Variants in PRKCE observed in about 807,000 individuals in gnomAD.
The protein encoded by PRKCE is protein kinase C epsilon type.
PRKCE carries 16 observed loss-of-function variants against 85.4 expected under a neutral mutation model. The observed-to-expected ratio is 0.19, with a 90% CI of 0.13 to 0.28. PRKCE has a LOEUF of 0.28. PRKCE is among the 10% of genes least tolerant of loss of function. The pLI is 1.00. For missense variants in PRKCE, 573 were observed against 975.2 expected (o/e 0.59, Z 5.49); for synonymous variants, 388 against 371.5 (o/e 1.04, Z -0.51).
chr2:45,737,024 C>T (rs771447205), intron 1 of PRKCE, among the ~76,000 whole-genome samples: 1 of 152,172 alleles, frequency 6.6e-6, no homozygotes, highest in Non-Finnish European at 1.5e-5. Flanking sequence ...AGGAGATGGA[C>T]GGTCGTCGGT....
chr2:45,949,423 G>GTTTTTTTTTTTTTTTTTTATTTTT (rs1178525912), intron 2 of PRKCE, among the ~76,000 whole-genome samples: 1 of 52,862 alleles, frequency 1.9e-5, no homozygotes, highest in Non-Finnish European at 4.0e-5. Context: ...TTTTTTGATT[G>GTTTTTTTTTTTTTTTTTTATTTTT]TTGTTTTTTT....
chr2:46,000,459 A>T (rs113028707), intron 6 of PRKCE, among the ~76,000 whole-genome samples: 2 of 14,756 alleles, frequency 1.4e-4, no homozygotes, highest in Admixed American at 1.6e-3. Context: ...ATCTCTGATA[A>T]AAAAAAAAAA....
intron 1 of PRKCE, among the ~76,000 whole-genome samples, chr2:45,777,357 A>T (rs1284739594): frequency 6.6e-6 from 1 of 152,006 alleles, no homozygotes; most frequent in African/African-American, 2.4e-5. Context: ...GGGAAATGTG[A>T]GAAGTGTTCT....
chr2:45,928,102 A>G (rs866827297), intron 2 of PRKCE, among the ~76,000 whole-genome samples: 2 of 152,114 alleles, frequency 1.3e-5, no homozygotes, highest in Admixed American at 6.5e-5. Context: ...ACCTCCCTCC[A>G]AGCTTTCCTA....
rs115864609 is a variant in PRKCE, at chr2:45,841,136, C to T, written c.349-1864C>T. On this transcript the variant is annotated intron_variant, in intron 1 of 14. Transcript: ENST00000306156. ...AGAGAGGTAGATGGACAATGTATTACAACTTAATAGGAGCTGTATTAGTCA... is the reference window on the plus strand; with the variant it reads ...AGAGAGGTAGATGGACAATGTATTATAACTTAATAGGAGCTGTATTAGTCA... Among the ~76,000 whole-genome samples the T allele has an allele frequency of 3.0e-3, 461 of 152,310 alleles. 2 individuals carry two copies. Among genetic ancestry groups the T allele is most frequent in the Non-Finnish European group, 4.9e-3 (330 of 68,030 alleles).
chr2:46,155,243 A>G lies in PRKCE; in HGVS notation c.1920+4014A>G, dbSNP rs1677085449. On this transcript the variant is annotated intron_variant, in intron 13 of 14. Coordinates refer to ENST00000306156, the MANE Select transcript of PRKCE (RefSeq NM_005400.3). The surrounding 1 kb of genome is among the most constrained non-coding windows in gnomAD (Gnocchi z 4.7). Reference sequence around the variant, plus strand: ...TTAAATGATTATAACTAGTTCAATTAAATGATTACAACTAGTTCAACTGAG... The same window carrying G: ...TTAAATGATTATAACTAGTTCAATTGAATGATTACAACTAGTTCAACTGAG... Among the ~76,000 whole-genome samples the G allele has an allele frequency of 6.6e-6, 1 of 152,210 alleles. No homozygotes were observed. Among genetic ancestry groups the G allele is most frequent in the African/African-American group, 2.4e-5 (1 of 41,450 alleles).
chr2:45,758,231 A>G (rs1684170927), intron 1 of PRKCE, among the ~76,000 whole-genome samples: 1 of 152,208 alleles, frequency 6.6e-6, no homozygotes, highest in Non-Finnish European at 1.5e-5. Context: ...CATCTGTGAA[A>G]TGGGAATAGT....
intron 1 of PRKCE, among the ~76,000 whole-genome samples, chr2:45,737,137 G>T (rs910659042): frequency 6.6e-6 from 1 of 152,224 alleles, no homozygotes; most frequent in East Asian, 1.9e-4. Flanking sequence ...CTCCAAGGAA[G>T]TGTGGTTATG....
intron 2 of PRKCE, among the ~76,000 whole-genome samples, chr2:45,894,505 G>T (rs1013403445): frequency 6.6e-6 from 1 of 151,258 alleles, no homozygotes; most frequent in Non-Finnish European, 1.5e-5. Context: ...ATCTTTGCAG[G>T]GTGTGAAGGA....
chr2:46,055,261 G>T (rs1262389884), intron 10 of PRKCE, among the ~76,000 whole-genome samples: 1 of 152,216 alleles, frequency 6.6e-6, no homozygotes, highest in Non-Finnish European at 1.5e-5. Context: ...ACAGAGATTT[G>T]CTCCTGCTGG....
At chr2:45,693,717 TA>T (rs1677921695) in intron 1 of PRKCE, among the ~76,000 whole-genome samples, 1 of 151,950 alleles carries the variant, frequency 6.6e-6, no homozygotes. Flanking sequence ...TAAGGAGAGG[TA>T]GAATAAGGCA....
intron 1 of PRKCE, among the ~76,000 whole-genome samples, chr2:45,718,979 G>T (rs1284937048): frequency 6.6e-6 from 1 of 152,186 alleles, no homozygotes; most frequent in East Asian, 1.9e-4. Flanking sequence ...TGCTAATATA[G>T]GCTAAAAGTC....
In PRKCE at chr2:46,086,335, T is replaced by C; in HGVS notation, c.1565T>C (p.Phe522Ser). ...YAAEVTSALMFLHQHGVIYRD... is the reference protein window; with the variant it reads ...YAAEVTSALMSLHQHGVIYRD... ...GCAGAGGTCACATCGGCCCTCATGT[T>C]CCTCCACCAGCATGGAGTCATCTAC... Residue 522 changes from phenylalanine to serine, a missense_variant, in exon 11 of 15, where the codon TTC (phenylalanine) becomes TCC (serine). Phe to Ser is a radical substitution (Grantham distance 155). Coordinates refer to ENST00000306156, the MANE Select transcript of PRKCE (RefSeq NM_005400.3). 6.3e-7 allele frequency: 1 copy of C among 1,599,598 alleles called. No individual in the cohort carries two copies. The highest frequency in any genetic ancestry group is 8.5e-7 in the Non-Finnish European group (1 of 1,179,856).
intron 2 of PRKCE, among the ~76,000 whole-genome samples, chr2:45,883,729 C>T (rs1219377824): frequency 6.6e-6 from 1 of 152,198 alleles, no homozygotes; most frequent in African/African-American, 2.4e-5. Context: ...GTTGTCCTCC[C>T]CGCCTGTCAT....
chr2:46,002,074 A>G (rs1558943854), intron 7 of PRKCE, among the ~76,000 whole-genome samples: 1 of 152,240 alleles, frequency 6.6e-6, no homozygotes, highest in Non-Finnish European at 1.5e-5. Context: ...TTTGGAGACC[A>G]AAACTGTCTC....
intron 1 of PRKCE, among the ~76,000 whole-genome samples, chr2:45,721,447 A>G (rs1313899427): frequency 6.6e-6 from 1 of 152,176 alleles, no homozygotes; most frequent in Non-Finnish European, 1.5e-5. Flanking sequence ...GGGAGTGCAG[A>G]AGGTGGAATT....
chr2:46,071,713 C>A (rs917553463), intron 10 of PRKCE, among the ~76,000 whole-genome samples: 2 of 152,234 alleles, frequency 1.3e-5, no homozygotes, highest in Non-Finnish European at 1.5e-5. Flanking sequence ...ATTACCCACT[C>A]TGTTTAGATA....
chr2:45,731,883 A>G (rs1522989), intron 1 of PRKCE, among the ~76,000 whole-genome samples: 149,331 of 152,176 alleles, frequency 0.98, 73,277 homozygotes, highest in East Asian at 1. Flanking sequence ...AGGTTTACAG[A>G]CATGAACCAG....
intron 11 of PRKCE, among the ~76,000 whole-genome samples, chr2:46,119,276 AG>A: frequency 6.6e-6 from 1 of 152,236 alleles, no homozygotes; most frequent in Non-Finnish European, 1.5e-5. Flanking sequence ...TTTTTGTGAA[AG>A]AGAAAAAAAA....
Sources: allele counts gnomAD v4.1 joint callset (sites outside exome capture counted in the v4.1 genomes callset), GRCh38; gene constraint gnomAD v4.1.1; non-coding constraint Gnocchi (gnomAD v3.1); transcripts MANE v1.5; gene names NCBI Gene and HGNC (gene_info 2026-07-23, HGNC 2026-07-21).